PKHD1: variants seen among roughly 807,000 people sequenced by gnomAD.
The protein encoded by PKHD1 is PKHD1 ciliary IPT domain containing fibrocystin/polyductin.
PKHD1 carries 291 observed loss-of-function variants against 412.0 expected under a neutral mutation model. The ratio of observed to expected loss-of-function variants is 0.71; its 90% confidence interval spans 0.64 to 0.78. PKHD1 has a LOEUF of 0.78. Ranked by LOEUF, PKHD1 falls within the 30% of genes least tolerant of loss-of-function variation. The pLI, the probability that PKHD1 is intolerant of heterozygous loss-of-function variation, is 0.00. For missense variants in PKHD1, 4,825 were observed against 4,950.7 expected, an observed-to-expected ratio of 0.97 and a Z score of 0.76; for synonymous variants, 1,777 against 1,821.5, an observed-to-expected ratio of 0.98 and a Z score of 0.62.
chr6:51,913,371 A>G lies in PKHD1; in HGVS notation c.6122-795T>C, dbSNP rs148793213. Among the ~76,000 whole-genome samples the G allele has an allele frequency of 2.6e-3, 401 of 152,112 alleles. 4 individuals are homozygous for G. Among genetic ancestry groups the G allele is most frequent in the African/African-American group, 9.2e-3 (383 of 41,528 alleles). ...TCAAGATAAACTTTGTTTGTATTACACTCCAGCATACCCGCCTGACCATCC... is the reference window on the plus strand; with the variant it reads ...TCAAGATAAACTTTGTTTGTATTACGCTCCAGCATACCCGCCTGACCATCC... On this transcript the variant is annotated intron_variant, in intron 37 of 66. Transcript: ENST00000371117.
chr6:51,981,359 C>G (rs566296834), intron 35 of PKHD1, among the ~76,000 whole-genome samples: 68 of 92,556 alleles, frequency 7.3e-4, no homozygotes, highest in African/African-American at 1.2e-3. Context: ...CTCCCTCTCC[C>G]TCTCCCTCTC....
chr6:51,784,797 A>G (rs1295238215), intron 53 of PKHD1, among the ~76,000 whole-genome samples: 1 of 152,108 alleles, frequency 6.6e-6, no homozygotes, highest in African/African-American at 2.4e-5. Context: ...GGACCTTTGC[A>G]CTAGCTCTCC....
chr6:51,989,003 AG>A (rs1796545773), intron 35 of PKHD1, among the ~76,000 whole-genome samples: 1 of 152,242 alleles, frequency 6.6e-6, no homozygotes, highest in Non-Finnish European at 1.5e-5. Flanking sequence ...GCTTTAGAAA[AG>A]GATGAAATCT....
chr6:51,895,335 T>C (rs1050950557), intron 43 of PKHD1, among the ~76,000 whole-genome samples: 3 of 151,968 alleles, frequency 2.0e-5, no homozygotes, highest in Non-Finnish European at 4.4e-5. Flanking sequence ...TCACAGACAA[T>C]AGAATGCAAA....
intron 64 of PKHD1, among the ~76,000 whole-genome samples, chr6:51,637,189 G>A (rs1050955331): frequency 2.0e-5 from 3 of 152,100 alleles, no homozygotes; most frequent in Non-Finnish European, 4.4e-5. Flanking sequence ...GGTAATTAAA[G>A]GACAAAGGCC....
chr6:51,666,481 G>A (rs1339179369), intron 60 of PKHD1, among the ~76,000 whole-genome samples: 3 of 152,096 alleles, frequency 2.0e-5, no homozygotes, highest in African/African-American at 4.8e-5. Context: ...AATTTCATTG[G>A]TAGTTTAGAA....
At chr6:51,803,756 G>A (rs141396380) in intron 52 of PKHD1, among the ~76,000 whole-genome samples, 2,257 of 151,532 alleles carry the variant, frequency 0.015, 157 homozygotes, top group African/African-American at 0.052. Flanking sequence ...ACCCAGGCTG[G>A]AGTGCAATGG....
intron 60 of PKHD1, among the ~76,000 whole-genome samples, chr6:51,676,087 A>G (rs542595673): frequency 2.0e-5 from 3 of 152,134 alleles, no homozygotes; most frequent in Admixed American, 6.6e-5. Context: ...GTGTGAGTGC[A>G]TGTGTAGATT....
chr6:51,685,067 AT>A, intron 60 of PKHD1, among the ~76,000 whole-genome samples: 1 of 152,220 alleles, frequency 6.6e-6, no homozygotes. Flanking sequence ...GAAATACATG[AT>A]TTTCCAGATA....
At chr6:51,720,900 C>T (rs112467022) in intron 60 of PKHD1, 73 of 716,418 alleles carry the variant, frequency 1.0e-4, no homozygotes, top group Non-Finnish European at 1.7e-5. Flanking sequence ...ACAGTAAATG[C>T]CCAATAAGTA....
At chr6:51,710,572 T>TAA (rs770936571) in intron 60 of PKHD1, among the ~76,000 whole-genome samples, 39 of 152,272 alleles carry the variant, frequency 2.6e-4, no homozygotes, top group Non-Finnish European at 4.3e-4. Flanking sequence ...AATTTCCTTT[T>TAA]CACTTCTCTA....
chr6:51,628,214 C>A (rs1767517198), intron 65 of PKHD1, among the ~76,000 whole-genome samples: 1 of 152,058 alleles, frequency 6.6e-6, no homozygotes, highest in Non-Finnish European at 1.5e-5. Flanking sequence ...GTTTTTCAAC[C>A]CTTACCCCCC....
In PKHD1 at chr6:51,662,213, C is replaced by T. The variant is rs569542942; in HGVS notation, c.10157-2244G>A. On this transcript the variant is annotated intron_variant, in intron 60 of 66. Coordinates refer to ENST00000371117, the MANE Select transcript of PKHD1 (RefSeq NM_138694.4). Reference sequence around the variant, plus strand: ...AAGAAGAATTATCTAAAAGCAATGTCCTATATGGTACTACCTTAAGAATTT... The same window carrying T: ...AAGAAGAATTATCTAAAAGCAATGTTCTATATGGTACTACCTTAAGAATTT... 8.6e-5 allele frequency among the ~76,000 whole-genome samples: 13 copies of T among 151,802 alleles called. No homozygotes were observed. In the East Asian group the frequency reaches 2.5e-3, roughly 29 times the overall value.
chr6:51,818,043 G>T (rs745658982), intron 52 of PKHD1, among the ~76,000 whole-genome samples: 2 of 152,134 alleles, frequency 1.3e-5, no homozygotes, highest in African/African-American at 4.8e-5. Context: ...TTGCAATCAG[G>T]TTACGTTATC....
intron 60 of PKHD1, among the ~76,000 whole-genome samples, chr6:51,737,573 G>A (rs557223096): frequency 1.3e-5 from 2 of 152,218 alleles, no homozygotes; most frequent in South Asian, 4.1e-4. Context: ...GCTAATTCTT[G>A]ATTATTCATG....
Position 51,868,074 on chromosome 6 carries a change from T to G in PKHD1, c.7522A>C (p.Thr2508Pro), listed in dbSNP as rs1562497938. The G allele has an allele frequency of 6.2e-7, 1 of 1,611,622 alleles. No homozygotes were observed. The highest frequency in any genetic ancestry group is 1.7e-5 in the Admixed American group (1 of 59,908). The stretch of plus-strand genomic sequence containing the variant: ...AATGCCACTAAGTTTGAAGAGTTTG[T>G]AAACTTCAACTGGCTGGTCTTCACA... The part of the protein sequence containing the change: ...FTVKTSQLKF[T>P]NSSNLVAFPF... Residue 2508 changes from threonine (T) to proline (P), a missense_variant, in exon 48 of 67, where the codon ACA becomes CCA. Physicochemically the swap from Thr to Pro is conservative, Grantham distance 38. Coordinates refer to ENST00000371117, the MANE Select transcript of PKHD1 (RefSeq NM_138694.4).
chr6:51,989,921 A>G (rs1188690542), intron 35 of PKHD1, among the ~76,000 whole-genome samples: 8 of 107,108 alleles, frequency 7.5e-5, no homozygotes, highest in East Asian at 3.1e-4. Context: ...GGAAGGAAGG[A>G]AGGAAGGAAG....
At chr6:52,062,814 C>A (rs1025293781) in intron 13 of PKHD1, among the ~76,000 whole-genome samples, 154 bp from the exon 14 acceptor site, 4 of 152,194 alleles carry the variant, frequency 2.6e-5, no homozygotes, top group Non-Finnish European at 5.9e-5. Flanking sequence ...ATGAAAGGTT[C>A]TGTAGTTAAT....
intron 60 of PKHD1, among the ~76,000 whole-genome samples, chr6:51,738,008 GTTTAC>G (rs769326696): frequency 6.6e-6 from 1 of 152,144 alleles, no homozygotes; most frequent in Non-Finnish European, 1.5e-5. Flanking sequence ...TAAGCCCCAC[GTTTAC>G]TTATTAGACT....
Sources: allele counts gnomAD v4.1 joint callset (sites outside exome capture counted in the v4.1 genomes callset), GRCh38; gene constraint gnomAD v4.1.1; transcripts MANE v1.5; gene names NCBI Gene and HGNC (gene_info 2026-07-23, HGNC 2026-07-21).